The following CELSR1 variants were observed in gnomAD, a reference collection of about 807,000 sequenced individuals.
CELSR1 encodes cadherin EGF LAG seven-pass G-type receptor 1.
In CELSR1, 110 loss-of-function variants were observed where a neutral mutation model predicts 249.1. The ratio of observed to expected loss-of-function variants is 0.44; its 90% confidence interval spans 0.38 to 0.52. The LOEUF (loss-of-function observed/expected upper bound fraction) is 0.52. CELSR1 is among the 20% of genes least tolerant of loss of function. CELSR1 has a pLI of 0.00. For missense variants in CELSR1, 4,109 were observed against 4,296.4 expected, an observed-to-expected ratio of 0.96 and a Z score of 1.22; for synonymous variants, 2,113 against 1,900.0, an observed-to-expected ratio of 1.11 and a Z score of -2.92.
At position 46,423,839 on chromosome 22, in the gene CELSR1, G is replaced by T. The variant is rs1172425575; in HGVS notation, c.4611+9554C>A. On this transcript the variant is annotated intron_variant, in intron 5 of 34. Transcript: ENST00000674500. This position sits in a 1 kb window ranked among gnomAD's most constrained non-coding sequence, Gnocchi z 5.6. ...ATACCAAAATTAGCCAGGCGTGGTG[G>T]TGGTGCGCACCTGTAATCCCAGCTA... 2.0e-5 allele frequency among the ~76,000 whole-genome samples: 3 copies of T among 152,042 alleles called. No individual in the cohort carries two copies. Among genetic ancestry groups the T allele is most frequent in the African/African-American group, 7.2e-5 (3 of 41,482 alleles).
At chr22:46,421,919 C>A (rs2079477759) in intron 5 of CELSR1, among the ~76,000 whole-genome samples, 1 of 152,230 alleles carries the variant, frequency 6.6e-6, no homozygotes, top group Non-Finnish European at 1.5e-5. Context: ...ATCCCCTCCT[C>A]TTAAACACGG....
In CELSR1 at chr22:46,363,483, A is replaced by G; in HGVS notation, c.9036-236T>C. The G allele has an allele frequency of 2.1e-6, 1 of 476,386 alleles. No homozygotes were observed. Among genetic ancestry groups the G allele is most frequent in the Non-Finnish European group, 3.8e-6 (1 of 261,944 alleles). The allele number at this position is 476,386 out of a possible 1,614,324, so 29.5% of individuals were successfully genotyped here. ...CTGGTCTTTCAGAAGAGCGCAAGGAATCCACGTTAGAAACCGGCCATCTCT... is the reference window on the plus strand; with the variant it reads ...CTGGTCTTTCAGAAGAGCGCAAGGAGTCCACGTTAGAAACCGGCCATCTCT... On this transcript the variant is annotated intron_variant, in intron 34 of 34. Coordinates refer to ENST00000674500, the MANE Select transcript of CELSR1 (RefSeq NM_001378328.1). The surrounding 1 kb of genome is among the most constrained non-coding windows in gnomAD (Gnocchi z 4.3).
rs758091391 is a variant in CELSR1 at position 46,535,071 on chromosome 22, C to T, written c.2100G>A (p.Ala700=). 15 of 1,612,326 alleles carry T rather than the reference C, an allele frequency of 9.3e-6. No individual in the cohort carries two copies. Among genetic ancestry groups the T allele is most frequent in the East Asian group, 6.7e-5 (3 of 44,876 alleles). Residue 700 remains alanine, a synonymous_variant, in exon 1 of 35, where the codon GCG becomes GCA. Transcript: ENST00000674500. The part of the protein sequence containing the change: ...PTYELRLNED[A]AVGSSVLTLQ... ...GGGTCAGCACGCTGCTCCCCACGGCCGCATCCTCATTCAGACGAAGCTCGT... is the reference window on the plus strand; with the variant it reads ...GGGTCAGCACGCTGCTCCCCACGGCTGCATCCTCATTCAGACGAAGCTCGT...
chr22:46,457,843 C>A (rs1043528612), intron 2 of CELSR1, among the ~76,000 whole-genome samples: 1 of 152,178 alleles, frequency 6.6e-6, no homozygotes, highest in South Asian at 2.1e-4. Flanking sequence ...TTGGAGGGTC[C>A]GGTTCCTCCT....
rs2079336577 is a variant in CELSR1, at chr22:46,411,632, G to A, written c.4739C>T (p.Ala1580Val). 6.2e-7 allele frequency: 1 copy of A among 1,614,080 alleles called. No homozygotes were observed. Among genetic ancestry groups the A allele is most frequent in the Non-Finnish European group, 8.5e-7 (1 of 1,180,042 alleles). Residue 1580 changes from alanine to valine, a missense_variant, in exon 6 of 35, where the codon GCT becomes GTT. Physicochemically the swap from Ala to Val is moderately conservative, Grantham distance 64 (BLOSUM62 0). This residue lies in a region of CELSR1 where 453 missense variants were observed against 492.0 expected (regional missense o/e 0.92). Transcript: ENST00000674500. The surrounding 1 kb of genome is among the most constrained non-coding windows in gnomAD (Gnocchi z 4.2). ...FGKDIGNYSC[A>V]AQGTQTGSKK... ...GGAGCCGGTCTGAGTGCCCTGGGCA[G>A]CGCAGCTGTAGTTCCCGATGTCCTT...
At chr22:46,479,629 G>A (rs2147656409) in intron 1 of CELSR1, among the ~76,000 whole-genome samples, 1 of 133,098 alleles carries the variant, frequency 7.5e-6, no homozygotes, top group East Asian at 2.7e-4. Flanking sequence ...GGGGGGCCGG[G>A]GGTGGGTAGA....
intron 23 of CELSR1, among the ~76,000 whole-genome samples, chr22:46,377,876 G>A (rs778488178): frequency 1.5e-4 from 23 of 152,342 alleles, no homozygotes; most frequent in East Asian, 9.7e-4. Context: ...AAAAGCCCTC[G>A]GAAAGGACAG....
chr22:46,507,388 C>T (rs576088330), intron 1 of CELSR1, among the ~76,000 whole-genome samples: 1 of 152,158 alleles, frequency 6.6e-6, no homozygotes, highest in South Asian at 2.1e-4. Flanking sequence ...ACTGCCTCCC[C>T]TTCAGCAGCC....
chr22:46,534,020 G>C lies in CELSR1; in HGVS notation c.3151C>G (p.Leu1051Val). Reference protein sequence around the residue: ...GDMRHFFQLDLLNGDLRAMVE... With the variant: ...GDMRHFFQLDVLNGDLRAMVE... ...ATGGCACGCAGGTCCCCGTTGAGCA[G>C]GTCCAGCTGGAAGAAATGCCGCATG... The change falls in exon 1 of 35, where the codon CTG becomes GTG. Residue 1051 changes from leucine to valine, a missense_variant. Physicochemically the swap from Leu to Val is conservative, Grantham distance 32 (BLOSUM62 1). Coordinates refer to ENST00000674500, the MANE Select transcript of CELSR1 (RefSeq NM_001378328.1). The surrounding 1 kb of genome is among the most constrained non-coding windows in gnomAD (Gnocchi z 9.7). 1 of 1,613,738 alleles carries C rather than the reference G, an allele frequency of 6.2e-7. No homozygotes were observed. Among genetic ancestry groups the C allele is most frequent in the Non-Finnish European group, 8.5e-7 (1 of 1,180,040 alleles).
In CELSR1 at chr22:46,362,984, T is replaced by C; in HGVS notation, c.*239A>G. 1 of 724,324 alleles carries C rather than the reference T, an allele frequency of 1.4e-6. No individual in the cohort carries two copies. The highest frequency in any genetic ancestry group is 2.3e-6 in the Non-Finnish European group (1 of 440,384). The allele number at this position is 724,324 out of a possible 1,614,324, so 44.9% of individuals were successfully genotyped here. A position where few individuals can be genotyped will look rare whatever the true frequency, so the allele number is the denominator to read the frequency against. On this transcript the variant is annotated 3_prime_UTR_variant, in exon 35 of 35. Coordinates refer to ENST00000674500, the MANE Select transcript of CELSR1 (RefSeq NM_001378328.1). ...ACGCCTCCCTCATGCCTGTGGCCTT[T>C]GGCACTTGTCACCAGGTCTGACAGG...
intron 17 of CELSR1, among the ~76,000 whole-genome samples, chr22:46,389,990 C>T (rs543861793): frequency 4.6e-4 from 70 of 152,212 alleles, no homozygotes; most frequent in African/African-American, 1.7e-3. Flanking sequence ...CAAAAATGAG[C>T]ACTGCTGACA....
intron 22 of CELSR1, among the ~76,000 whole-genome samples, chr22:46,379,086 C>T (rs949028545): frequency 3.3e-5 from 5 of 152,232 alleles, no homozygotes; most frequent in East Asian, 1.9e-4. Flanking sequence ...GTCTCGCGTC[C>T]GCCCCGCTGC....
intron 5 of CELSR1, among the ~76,000 whole-genome samples, chr22:46,419,936 CAA>C (rs1216841017): frequency 6.6e-6 from 1 of 152,046 alleles, no homozygotes; most frequent in Non-Finnish European, 1.5e-5. Flanking sequence ...TACACTTACC[CAA>C]ACTCATGCAC....
chr22:46,505,880 G>A (rs1188281954), intron 1 of CELSR1, among the ~76,000 whole-genome samples: 3 of 151,912 alleles, frequency 2.0e-5, no homozygotes, highest in Admixed American at 6.6e-5. Flanking sequence ...TTGCCTTCCC[G>A]TCAAAAAGAA....
At chr22:46,414,432 C>T (rs1782245776) in intron 5 of CELSR1, among the ~76,000 whole-genome samples, 1 of 152,244 alleles carries the variant, frequency 6.6e-6, no homozygotes, top group African/African-American at 2.4e-5. Flanking sequence ...TCACAGCATC[C>T]CGATGGCCCA....
rs371725025 is a variant in CELSR1, at chr22:46,391,597, G to A, written c.6148+36C>T. On this transcript the variant is annotated intron_variant, in intron 15 of 34. Transcript: ENST00000674500. This position sits in a 1 kb window ranked among gnomAD's most constrained non-coding sequence, Gnocchi z 4.3. ...CGCCAGTGCAGCAGCCTGTCCCCGCGCTGTAACCTGCAGGGTGTCGAGGGG... is the reference window on the plus strand; with the variant it reads ...CGCCAGTGCAGCAGCCTGTCCCCGCACTGTAACCTGCAGGGTGTCGAGGGG... 95 of 1,544,542 alleles carry A rather than the reference G, an allele frequency of 6.2e-5. No individual in the cohort carries two copies. Among genetic ancestry groups the A allele is most frequent in the African/African-American group, 3.8e-4 (28 of 73,234 alleles).
chr22:46,394,275 T>C lies in CELSR1; in HGVS notation c.5844-13A>G. 6.2e-7 allele frequency: 1 copy of C among 1,609,998 alleles called. No homozygotes were observed. Among genetic ancestry groups the C allele is most frequent in the South Asian group, 1.1e-5 (1 of 90,792 alleles). On this transcript the variant is annotated splice_polypyrimidine_tract_variant and intron_variant, in intron 13 of 34. Coordinates refer to ENST00000674500, the MANE Select transcript of CELSR1 (RefSeq NM_001378328.1). ...CGGAAGGTCGAGTCTGTGGGGAAAA[T>C]AAGAGGGCAGCTGGAAGGTTTATGT... is the stretch of plus-strand genomic sequence containing the variant.
In CELSR1 at chr22:46,412,974, G is replaced by A. The variant is rs2079356058; in HGVS notation, c.4612-1215C>T. On this transcript the variant is annotated intron_variant, in intron 5 of 34. Transcript: ENST00000674500. This position sits in a 1 kb window ranked among gnomAD's most constrained non-coding sequence, Gnocchi z 4.5. ...CAGCAGAGCCTCCCCCTCCACCCCA[G>A]AGAGAACCTTTTCTTCCAGTCCCAG... Among the ~76,000 whole-genome samples, 1 of 152,154 alleles carries A rather than the reference G, an allele frequency of 6.6e-6. No individual in the cohort carries two copies. The highest frequency in any genetic ancestry group is 1.5e-5 in the Non-Finnish European group (1 of 68,024).
Position 46,367,133 on chromosome 22 carries a change from G to T in CELSR1, c.8080-15C>A, listed in dbSNP as rs957542514. On this transcript the variant is annotated splice_polypyrimidine_tract_variant and intron_variant, in intron 28 of 34. Coordinates refer to ENST00000674500, the MANE Select transcript of CELSR1 (RefSeq NM_001378328.1). ...ACGAAGGGGCCCTGGAGGGAGGAAG[G>T]TGGGGTCAGCACCTGCTGCTGCCTC... The T allele has an allele frequency of 6.2e-7, 1 of 1,608,634 alleles. No homozygotes were observed. Among genetic ancestry groups the T allele is most frequent in the Non-Finnish European group, 8.5e-7 (1 of 1,178,716 alleles).
Sources: gnomAD v4.1 joint callset for allele counts (sites outside exome capture counted in the v4.1 genomes callset) on GRCh38, gnomAD v4.1.1 for gene constraint, gnomAD v4.1.1 regional missense constraint, Gnocchi (gnomAD v3.1) non-coding constraint, MANE v1.5 for transcripts, NCBI Gene and HGNC (gene_info 2026-07-23, HGNC 2026-07-21) for gene names.